LY96: variants seen among roughly 807,000 people sequenced by gnomAD.
The protein encoded by LY96 is myeloid differentiation protein-2.
A neutral mutation model predicts 18.9 loss-of-function variants in LY96; 18 were observed. That is an observed-to-expected ratio of 0.95 (90% CI 0.66 to 1.41). The LOEUF is 1.41. Among genes scored for constraint, LY96 ranks in the 40% most tolerant of loss-of-function variants. The pLI, the probability that LY96 is intolerant of heterozygous loss-of-function variation, is 0.00. For missense variants in LY96, 175 were observed against 182.4 expected, an observed-to-expected ratio of 0.96 and a Z score of 0.23; for synonymous variants, 66 against 62.6, an observed-to-expected ratio of 1.06 and a Z score of -0.26.
rs747311705 is a variant in LY96 at position 74,029,044 on chromosome 8, A to AT, written c.475dup (p.Ser159PhefsTer5). Reference sequence around the variant, plus strand: ...GAGTTTGTCATCCTACACCAACCTAATTCAAATTAGAATAAATTGAGTATT... The same window carrying AT: ...GAGTTTGTCATCCTACACCAACCTAATTTCAAATTAGAATAAATTGAGTATT... On this transcript the variant is annotated frameshift_variant, in exon 5 of 5. Coordinates refer to ENST00000284818, the MANE Select transcript of LY96 (RefSeq NM_015364.5). LOFTEE classifies it high-confidence loss of function. The AT allele has an allele frequency of 6.3e-7, 1 of 1,599,218 alleles. No homozygotes were observed. Among genetic ancestry groups the AT allele is most frequent in the Admixed American group, 1.7e-5 (1 of 59,994 alleles).
the LY96 span, among the ~76,000 whole-genome samples, chr8:74,062,737 T>C: frequency 6.6e-6 from 1 of 152,184 alleles, no homozygotes; most frequent in South Asian, 2.1e-4. Context: ...TGGTCCTATG[T>C]GGTATGTTGC....
chr8:74,003,837 T>C (rs953200062), intron 1 of LY96, among the ~76,000 whole-genome samples: 3 of 152,204 alleles, frequency 2.0e-5, no homozygotes, highest in Admixed American at 6.5e-5. Context: ...TCTTTCTCTT[T>C]TTAATTTTCT....
At chr8:74,019,579 C>G (rs1816716773) in intron 3 of LY96, among the ~76,000 whole-genome samples, 1 of 152,160 alleles carries the variant, frequency 6.6e-6, no homozygotes, top group African/African-American at 2.4e-5. Context: ...ATGAGGCCAG[C>G]ATCATCCTGA....
In LY96 at chr8:74,022,272, T is replaced by C. The variant is rs537866216; in HGVS notation, c.332-4517T>C. ...AAAATACAAAAGTAGATGGGTGTGGTAGCACATGTTTGTAATCCCCGCTAC... is the reference window on the plus strand; with the variant it reads ...AAAATACAAAAGTAGATGGGTGTGGCAGCACATGTTTGTAATCCCCGCTAC... On this transcript the variant is annotated intron_variant, in intron 3 of 4. Coordinates refer to ENST00000284818, the MANE Select transcript of LY96 (RefSeq NM_015364.5). Among the ~76,000 whole-genome samples the C allele has an allele frequency of 1.8e-4, 28 of 151,898 alleles. No individual in the cohort carries two copies. In the East Asian group the frequency reaches 5.5e-3, roughly 30 times the overall value.
chr8:74,062,021 A>G, the LY96 span, among the ~76,000 whole-genome samples: 34 of 152,224 alleles, frequency 2.2e-4, no homozygotes, highest in South Asian at 4.1e-4. Flanking sequence ...GAGCATGCCC[A>G]TGTAACCACT....
intron 1 of LY96, among the ~76,000 whole-genome samples, chr8:73,995,805 T>G (rs1379146490): frequency 6.6e-6 from 1 of 152,182 alleles, no homozygotes; most frequent in Non-Finnish European, 1.5e-5. Context: ...TCTCTGAGCA[T>G]TTAGCATGCA....
At chr8:74,021,073 A>T (rs1044530725) in intron 3 of LY96, among the ~76,000 whole-genome samples, 1 of 152,222 alleles carries the variant, frequency 6.6e-6, no homozygotes, top group African/African-American at 2.4e-5. Context: ...GACAAATGGG[A>T]TCTAATTAAA....
chr8:74,090,914 T>A, the LY96 span, among the ~76,000 whole-genome samples: 1 of 152,264 alleles, frequency 6.6e-6, no homozygotes, highest in Non-Finnish European at 1.5e-5. Context: ...GAAACAGAGC[T>A]GTGCCCGCAT....
At chr8:74,056,952 C>T in the LY96 span, among the ~76,000 whole-genome samples, 2 of 152,166 alleles carry the variant, frequency 1.3e-5, no homozygotes, top group Non-Finnish European at 2.9e-5. Flanking sequence ...TTTGTGGTAA[C>T]TTGTTATGGC....
Position 74,009,981 on chromosome 8 carries a change from TG to T in LY96, c.203-17del. ...AAGAATCTACTATTTGAGGGCCTAATGGGATTTTTTCTTTTAAAGGGAGAGA... is the reference window on the plus strand; with the variant it reads ...AAGAATCTACTATTTGAGGGCCTAATGGATTTTTTCTTTTAAAGGGAGAGA... On this transcript the variant is annotated intron_variant, in intron 2 of 4. Coordinates refer to ENST00000284818, the MANE Select transcript of LY96 (RefSeq NM_015364.5). The T allele has an allele frequency of 6.4e-7, 1 of 1,564,110 alleles. No homozygotes were observed. The highest frequency in any genetic ancestry group is 8.8e-7 in the Non-Finnish European group (1 of 1,134,944).
the LY96 span, among the ~76,000 whole-genome samples, chr8:74,078,123 A>T: frequency 6.6e-6 from 1 of 152,118 alleles, no homozygotes; most frequent in African/African-American, 2.4e-5. Flanking sequence ...AAAAAAAAAA[A>T]AAAGAATTAT....
At chr8:74,094,103 A>G in the LY96 span, among the ~76,000 whole-genome samples, 2 of 152,170 alleles carry the variant, frequency 1.3e-5, no homozygotes, top group South Asian at 2.1e-4. Context: ...GTCCTTTCTT[A>G]TTGTGCACCA....
chr8:74,005,322 G>C (rs1211822217), intron 2 of LY96, among the ~76,000 whole-genome samples: 1 of 152,146 alleles, frequency 6.6e-6, no homozygotes, highest in Non-Finnish European at 1.5e-5. Context: ...AGCTAACTAG[G>C]CAAGTCACAA....
chr8:74,034,699 T>G, the LY96 span, among the ~76,000 whole-genome samples: 1 of 152,204 alleles, frequency 6.6e-6, no homozygotes, highest in African/African-American at 2.4e-5. Flanking sequence ...CGAATCTCCC[T>G]CATTTGGCAT....
At chr8:74,069,014 G>A in the LY96 span, among the ~76,000 whole-genome samples, 1 of 152,130 alleles carries the variant, frequency 6.6e-6, no homozygotes, top group African/African-American at 2.4e-5. Context: ...TCAAACTCCT[G>A]ACCTCAAGTG....
chr8:74,054,668 C>CT, the LY96 span, among the ~76,000 whole-genome samples: 1 of 131,374 alleles, frequency 7.6e-6, no homozygotes, highest in South Asian at 2.7e-4. Context: ...TTCTTTCTTT[C>CT]TTTCTTTTTA....
the LY96 span, among the ~76,000 whole-genome samples, chr8:74,077,236 C>T: frequency 2.6e-5 from 4 of 152,162 alleles, no homozygotes; most frequent in Non-Finnish European, 4.4e-5. Flanking sequence ...TTTTATAGCA[C>T]TTACTCTGAG....
the LY96 span, among the ~76,000 whole-genome samples, chr8:74,044,912 C>T: frequency 4.3e-4 from 66 of 152,290 alleles, no homozygotes; most frequent in African/African-American, 1.5e-3. Context: ...AACTTTACTT[C>T]GAAATGGAAA....
At chr8:74,026,439 C>T (rs1053413860) in intron 3 of LY96, among the ~76,000 whole-genome samples, 6 of 152,232 alleles carry the variant, frequency 3.9e-5, no homozygotes, top group Non-Finnish European at 8.8e-5. Flanking sequence ...TTATACCCAG[C>T]TTAATGTGCA....
Sources: allele counts gnomAD v4.1 joint callset (sites outside exome capture counted in the v4.1 genomes callset), GRCh38; gene constraint gnomAD v4.1.1; transcripts MANE v1.5; gene names NCBI Gene and HGNC (gene_info 2026-07-23, HGNC 2026-07-21).